Variants in EXOC4 observed in about 807,000 individuals in gnomAD.
EXOC4 encodes SEC8-like 1.
A neutral mutation model predicts 107.2 loss-of-function variants in EXOC4; 71 were observed. The ratio of observed to expected loss-of-function variants is 0.66; its 90% confidence interval spans 0.55 to 0.81. The LOEUF (loss-of-function observed/expected upper bound fraction) is 0.81. EXOC4 is among the 30% of genes least tolerant of loss of function. The pLI is 0.00. For synonymous variants in EXOC4, 456 were observed against 441.2 expected (o/e 1.03, Z -0.42); for missense variants, 1,108 against 1,189.6 (o/e 0.93, Z 1.01).
At chr7:133,674,020 A>G (rs531398361) in intron 10 of EXOC4, among the ~76,000 whole-genome samples, 3 of 152,284 alleles carry the variant, frequency 2.0e-5, no homozygotes, top group East Asian at 1.9e-4. Flanking sequence ...GTGACTTTCT[A>G]TAGTGGAGTT....
In EXOC4 at chr7:133,890,763, G is replaced by T. The variant is rs868102740; in HGVS notation, c.1735-4836G>T. On this transcript the variant is annotated intron_variant, in intron 11 of 17. Coordinates refer to ENST00000253861, the MANE Select transcript of EXOC4 (RefSeq NM_021807.4). ...ATGCGGCGTTATTTCTGAGGGCTCT[G>T]TTCTGTTCCATTGATCTATATCTCT... 4.8e-3 allele frequency among the ~76,000 whole-genome samples: 113 copies of T among 23,650 alleles called. 2 individuals carry two copies. The highest frequency in any genetic ancestry group is 0.037 in the African/African-American group (106 of 2,876). The allele number at this position is 23,650 out of a possible 152,430, so 15.5% of individuals were successfully genotyped here. A position where few individuals can be genotyped will look rare whatever the true frequency, so the allele number is the denominator to read the frequency against.
At chr7:133,577,419 C>G (rs1801156524) in intron 9 of EXOC4, among the ~76,000 whole-genome samples, 2 of 152,128 alleles carry the variant, frequency 1.3e-5, no homozygotes, top group South Asian at 2.1e-4. Context: ...TCTAAGGAAA[C>G]TATTTTTACA....
At position 133,828,253 on chromosome 7, in the gene EXOC4, A is replaced by G. The variant is rs80199694; in HGVS notation, c.1734+10709A>G. ...TACTTGCTAACAAAGGCATCTTCAG[A>G]TTTATTTCTTTTCCTTAAATGTTAG... On this transcript the variant is annotated intron_variant, in intron 11 of 17. Transcript: ENST00000253861. Among the ~76,000 whole-genome samples the G allele has an allele frequency of 6.7e-4, 102 of 152,288 alleles. 1 individual carries two copies. The highest frequency in any genetic ancestry group is 2.3e-3 in the African/African-American group (97 of 41,556).
rs78634916 is a variant in EXOC4, at chr7:134,007,511, T to A, written c.2528-165T>A. On this transcript the variant is annotated intron_variant, in intron 16 of 17. Transcript: ENST00000253861. ...CTACTAGGACAATGTAGAAATACCC[T>A]AAAATTATTGTCAGATCAGCAGATG... Among the ~76,000 whole-genome samples the A allele has an allele frequency of 9.1e-3, 1,393 of 152,324 alleles. 17 individuals are homozygous for A. The highest frequency in any genetic ancestry group is 0.032 in the African/African-American group (1,310 of 41,560).
intron 1 of EXOC4, chr7:133,253,538 A>G (rs1229587571): frequency 9.9e-7 from 1 of 1,011,014 alleles, no homozygotes; most frequent in Non-Finnish European, 1.2e-6. Flanking sequence ...GTTTGCCTGT[A>G]GCAGCACTCA....
chr7:133,930,528 G>A (rs938439003), intron 13 of EXOC4: 3 of 152,016 alleles, frequency 2.0e-5, no homozygotes, highest in African/African-American at 7.2e-5. Context: ...AGTTTTCATG[G>A]AATTTTTTCA....
Position 133,854,333 on chromosome 7 carries a change from C to T in EXOC4, c.1734+36789C>T, listed in dbSNP as rs76462497. On this transcript the variant is annotated intron_variant, in intron 11 of 17. Transcript: ENST00000253861. ...ATGGTGTTCTCTTGCACATGCTTGC[C>T]ACCTCTTATTGGTCCTCCGATTCCT... Among the ~76,000 whole-genome samples, 1,480 of 151,746 alleles carry T rather than the reference C, an allele frequency of 9.8e-3. 13 individuals are homozygous for T. The highest frequency in any genetic ancestry group is 0.016 in the Non-Finnish European group (1,056 of 67,932).
chr7:133,413,141 G>A (rs1030917875), intron 7 of EXOC4, among the ~76,000 whole-genome samples: 3 of 152,052 alleles, frequency 2.0e-5, no homozygotes, highest in South Asian at 2.1e-4. Context: ...AATTCAAAGC[G>A]GAGAGCTCCA....
At chr7:133,906,667 A>C (rs1366086564) in intron 12 of EXOC4, among the ~76,000 whole-genome samples, 3 of 152,090 alleles carry the variant, frequency 2.0e-5, no homozygotes, top group Admixed American at 6.5e-5. Context: ...CTACGGCTCG[A>C]GCTGAGCTTT....
chr7:133,876,809 CT>C (rs1227689610), intron 11 of EXOC4, among the ~76,000 whole-genome samples: 1 of 151,938 alleles, frequency 6.6e-6, no homozygotes, highest in Non-Finnish European at 1.5e-5. Flanking sequence ...TTCTTTCTTT[CT>C]TTTTTGTTTT....
chr7:133,316,238 G>A (rs1794988082), intron 4 of EXOC4, among the ~76,000 whole-genome samples: 1 of 152,086 alleles, frequency 6.6e-6, no homozygotes, highest in Non-Finnish European at 1.5e-5. Context: ...TGCTGTGGTG[G>A]GGGCAGATGT....
At chr7:133,858,216 A>G (rs1416054645) in intron 11 of EXOC4, among the ~76,000 whole-genome samples, 2 of 152,188 alleles carry the variant, frequency 1.3e-5, no homozygotes, top group Non-Finnish European at 2.9e-5. Flanking sequence ...TCCACAAACA[A>G]CTGGAGGGTA....
intron 9 of EXOC4, among the ~76,000 whole-genome samples, chr7:133,543,567 G>T (rs559669646): frequency 6.6e-6 from 1 of 152,076 alleles, no homozygotes; most frequent in South Asian, 2.1e-4. Context: ...TTATCCTTAT[G>T]CTGTCATTTC....
At chr7:133,964,023 A>G (rs1801005888) in intron 14 of EXOC4, among the ~76,000 whole-genome samples, 1 of 152,238 alleles carries the variant, frequency 6.6e-6, no homozygotes, top group South Asian at 2.1e-4. Context: ...TATATATTTT[A>G]TGAGAATGTT....
chr7:134,019,261 A>G (rs1794976087), intron 17 of EXOC4, among the ~76,000 whole-genome samples: 1 of 152,290 alleles, frequency 6.6e-6, no homozygotes, highest in African/African-American at 2.4e-5. Context: ...ATCTGTAGCT[A>G]AATACAAATA....
rs898700489 is a variant in EXOC4 at position 133,378,736 on chromosome 7, A to T, written c.1182+3734A>T. Among the ~76,000 whole-genome samples the T allele has an allele frequency of 4.6e-5, 7 of 152,230 alleles. No individual in the cohort carries two copies. In the South Asian group the frequency reaches 1.5e-3, roughly 32 times the overall value. On this transcript the variant is annotated intron_variant, in intron 7 of 17. Coordinates refer to ENST00000253861, the MANE Select transcript of EXOC4 (RefSeq NM_021807.4). ...GCTGAGAAGCCAGTTGAGGGGATAA[A>T]ATTGAACAGTGAATAAATATTTGAT... is the stretch of plus-strand genomic sequence containing the variant.
chr7:133,853,422 G>C (rs1012990252), intron 11 of EXOC4, among the ~76,000 whole-genome samples: 1 of 144,010 alleles, frequency 6.9e-6, no homozygotes. Flanking sequence ...ATGGAGAGAG[G>C]GTCTCATTAT....
At chr7:133,895,825 A>G in intron 12 of EXOC4, 90 bp downstream of exon 12, 1 of 1,394,186 alleles carries the variant, frequency 7.2e-7, no homozygotes, top group Non-Finnish European at 9.9e-7. Flanking sequence ...CTAATTTCCA[A>G]AAGGATCATC....
the EXOC4 span, among the ~76,000 whole-genome samples, chr7:134,092,390 A>C: frequency 2.0e-5 from 3 of 152,158 alleles, no homozygotes; most frequent in Non-Finnish European, 4.4e-5. Context: ...AGTCAATAGA[A>C]ATTGAGGAAG....
Sources: gnomAD v4.1 joint callset for allele counts (sites outside exome capture counted in the v4.1 genomes callset) on GRCh38, gnomAD v4.1.1 for gene constraint, MANE v1.5 for transcripts, NCBI Gene and HGNC (gene_info 2026-07-23, HGNC 2026-07-21) for gene names.